Variants in SHB observed in about 807,000 individuals in gnomAD.
The protein encoded by SHB is SH2 domain containing adaptor protein B.
A neutral mutation model predicts 52.3 loss-of-function variants in SHB; 20 were observed. That is an observed-to-expected ratio of 0.38 (90% confidence interval 0.27 to 0.56). The LOEUF is 0.56. Ranked by LOEUF, SHB falls within the 20% of genes least tolerant of loss-of-function variation. The probability of loss-of-function intolerance (pLI) is 0.71; values close to 1 mark genes in which losing one functional copy is unlikely to be tolerated. For missense variants in SHB, 825 were observed against 723.3 expected, an observed-to-expected ratio of 1.14 and a Z score of -1.61; for synonymous variants, 397 against 316.5, an observed-to-expected ratio of 1.25 and a Z score of -2.70.
At chr9:38,045,925 T>A (rs2118152721) in intron 1 of SHB, among the ~76,000 whole-genome samples, 1 of 152,032 alleles carries the variant, frequency 6.6e-6, no homozygotes, top group Non-Finnish European at 1.5e-5. Context: ...TTAACATGGG[T>A]CATGATTATG....
At chr9:37,945,268 T>C (rs922006067) in intron 5 of SHB, among the ~76,000 whole-genome samples, 2 of 152,216 alleles carry the variant, frequency 1.3e-5, no homozygotes, top group African/African-American at 4.8e-5. Flanking sequence ...GCCTTGAGTA[T>C]TTGAGAGATC....
At chr9:38,005,386 A>G (rs1327453696) in intron 2 of SHB, among the ~76,000 whole-genome samples, 2 of 152,224 alleles carry the variant, frequency 1.3e-5, no homozygotes, top group Non-Finnish European at 2.9e-5. Flanking sequence ...CAAACGGGCC[A>G]AGCTGGCTGA....
At chr9:38,063,691 T>C (rs1209317077) in intron 1 of SHB, among the ~76,000 whole-genome samples, 2 of 152,230 alleles carry the variant, frequency 1.3e-5, no homozygotes, top group Non-Finnish European at 2.9e-5. Flanking sequence ...GAAGCTGGTA[T>C]TCAACTGCAA....
chr9:37,998,454 T>C (rs1211629542), intron 2 of SHB, among the ~76,000 whole-genome samples: 1 of 152,126 alleles, frequency 6.6e-6, no homozygotes, highest in African/African-American at 2.4e-5. Context: ...CAAAATCCTA[T>C]TTTGTTTATT....
intron 5 of SHB, among the ~76,000 whole-genome samples, chr9:37,946,334 T>C (rs1025050060): frequency 2.0e-5 from 3 of 152,216 alleles, no homozygotes; most frequent in Non-Finnish European, 4.4e-5. Flanking sequence ...GAAATGACGC[T>C]TCTGGCCCTC....
intron 2 of SHB, among the ~76,000 whole-genome samples, chr9:37,990,267 G>C (rs1820866557): frequency 6.6e-6 from 1 of 152,126 alleles, no homozygotes; most frequent in Non-Finnish European, 1.5e-5. Flanking sequence ...AGGTGGTACA[G>C]GGGCTCAGAG....
intron 4 of SHB, among the ~76,000 whole-genome samples, chr9:37,952,179 T>C (rs1472311365): frequency 1.3e-5 from 2 of 152,052 alleles, no homozygotes; most frequent in East Asian, 1.9e-4. Context: ...CAATTCCAGA[T>C]AGTGACAAGG....
chr9:38,040,652 G>A (rs1821563365), intron 1 of SHB, among the ~76,000 whole-genome samples: 1 of 152,126 alleles, frequency 6.6e-6, no homozygotes, highest in Admixed American at 6.6e-5. Flanking sequence ...CTCAGGCAGG[G>A]GTATCAGCAA....
chr9:38,026,066 G>A (rs115191335), intron 1 of SHB, among the ~76,000 whole-genome samples: 456 of 152,312 alleles, frequency 3.0e-3, no homozygotes, highest in African/African-American at 0.01. Context: ...CCCAAGGAAG[G>A]ATCAGGAATG....
rs751009731 is a variant in SHB, at chr9:37,917,553, C to G, written c.*2268G>C. Among the ~76,000 whole-genome samples, 1 of 152,320 alleles carries G rather than the reference C, an allele frequency of 6.6e-6. No individual in the cohort carries two copies. The highest frequency in any genetic ancestry group is 2.1e-4 in the South Asian group (1 of 4,830). ...AGTGTGAGGTCTCACCCTCCTCCCC[C>G]GCCGGAGGGTTGTTCCCCCTCTTCC... On this transcript the variant is annotated 3_prime_UTR_variant, in exon 6 of 6. Transcript: ENST00000377707.
intron 5 of SHB, among the ~76,000 whole-genome samples, chr9:37,939,230 C>T (rs1238337116): frequency 6.6e-6 from 1 of 152,250 alleles, no homozygotes; most frequent in Non-Finnish European, 1.5e-5. Context: ...TCAGCATCAT[C>T]AGCCTAGCAC....
chr9:38,025,408 G>T, intron 1 of SHB, among the ~76,000 whole-genome samples: 1 of 152,186 alleles, frequency 6.6e-6, no homozygotes, highest in East Asian at 1.9e-4. Context: ...AGGGGCCTGA[G>T]GCGACACTTA....
intron 2 of SHB, among the ~76,000 whole-genome samples, chr9:37,987,985 C>T (rs1157263975): frequency 6.6e-6 from 1 of 152,162 alleles, no homozygotes; most frequent in Non-Finnish European, 1.5e-5. Context: ...CCCCTCACCA[C>T]ATGCCAGCCT....
rs1832136712 is a variant in SHB, at chr9:37,918,768, T to C, written c.*1053A>G. Among the ~76,000 whole-genome samples, 1 of 152,216 alleles carries C rather than the reference T, an allele frequency of 6.6e-6. No homozygotes were observed. The highest frequency in any genetic ancestry group is 6.5e-5 in the Admixed American group (1 of 15,288). On this transcript the variant is annotated 3_prime_UTR_variant, in exon 6 of 6. Coordinates refer to ENST00000377707, the MANE Select transcript of SHB (RefSeq NM_003028.3). ...TAACAGATAGTGGGGAGAGAGCCCT[T>C]TGTAGCCAGCTGGGTGCTGTGTCCA...
Position 37,918,451 on chromosome 9 carries a change from GTTC to G in SHB, c.*1367_*1369del, listed in dbSNP as rs934393103. On this transcript the variant is annotated 3_prime_UTR_variant, in exon 6 of 6. Transcript: ENST00000377707. ...TGTGTGTGTGTGTGTGTGTGTAGGT[GTTC>G]TTGTGTGTGGAAGCAGTGTGGACCA... Among the ~76,000 whole-genome samples the G allele has an allele frequency of 4.4e-4, 55 of 125,032 alleles. No individual in the cohort carries two copies. Among genetic ancestry groups the G allele is most frequent in the Admixed American group, 3.1e-3 (40 of 13,098 alleles). 82.0% of individuals were successfully genotyped at this position (125,032 alleles called of 152,430 possible).
intron 3 of SHB, among the ~76,000 whole-genome samples, chr9:37,960,206 G>A (rs984721460): frequency 5.3e-5 from 8 of 152,044 alleles, no homozygotes; most frequent in African/African-American, 1.7e-4. Flanking sequence ...GCAGTGATTC[G>A]GCAGCCTAAG....
In SHB at chr9:38,068,430, G is replaced by C; in HGVS notation, c.216C>G (p.Asp72Glu). The C allele has an allele frequency of 3.2e-6, 5 of 1,557,118 alleles. No individual in the cohort carries two copies. In the South Asian group the frequency reaches 5.9e-5, roughly 18 times the overall value. Reference protein sequence around the residue: ...CFSASSGSLPDDSGSTSDLIR... With the variant: ...CFSASSGSLPEDSGSTSDLIR... ...TGAGGTCGCTGGTGCTGCCGCTGTC[G>C]TCGGGCAGCGAGCCCGAAGAGGCTG... The change falls in exon 1 of 6, where the codon GAC becomes GAG. Residue 72 changes from aspartate (D) to glutamate (E), a missense_variant. Coordinates refer to ENST00000377707, the MANE Select transcript of SHB (RefSeq NM_003028.3).
chr9:38,069,158 A>C lies in SHB; in HGVS notation c.-513T>G, dbSNP rs1448349702. The C allele has an allele frequency of 1.3e-5, 2 of 151,418 alleles. No individual in the cohort carries two copies. The highest frequency in any genetic ancestry group is 3.0e-5 in the Non-Finnish European group (2 of 67,598). The allele number at this position is 151,418 out of a possible 1,614,324, so 9.4% of individuals were successfully genotyped here. On this transcript the variant is annotated 5_prime_UTR_variant, in exon 1 of 6. Coordinates refer to ENST00000377707, the MANE Select transcript of SHB (RefSeq NM_003028.3). ...GGCCGGGAGAGACAGCGAGCGACGG[A>C]GGAAGGCAGCCGGCGCCCGCCGGAG... is the stretch of plus-strand genomic sequence containing the variant.
chr9:37,939,713 G>A (rs189761185), intron 5 of SHB, among the ~76,000 whole-genome samples: 3 of 152,302 alleles, frequency 2.0e-5, no homozygotes, highest in African/African-American at 4.8e-5. Flanking sequence ...TCTATTCCGA[G>A]AGACCCCACA....
Sources: gnomAD v4.1 joint callset for allele counts (sites outside exome capture counted in the v4.1 genomes callset) on GRCh38, gnomAD v4.1.1 for gene constraint, MANE v1.5 for transcripts, NCBI Gene and HGNC (gene_info 2026-07-23, HGNC 2026-07-21) for gene names.